CNTN5: variants seen among roughly 807,000 people sequenced by gnomAD.
The protein encoded by CNTN5 is contactin-5.
A neutral mutation model predicts 129.1 loss-of-function variants in CNTN5; 77 were observed. The observed-to-expected ratio is 0.60, with a 90% CI of 0.50 to 0.72. The LOEUF (loss-of-function observed/expected upper bound fraction) is 0.72, where lower values mean the gene tolerates loss of function less well. CNTN5 is among the 30% of genes least tolerant of loss of function. CNTN5 has a pLI of 0.00. For synonymous variants in CNTN5, 509 were observed against 465.6 expected, an observed-to-expected ratio of 1.09 and a Z score of -1.20; for missense variants, 1,478 against 1,328.8, an observed-to-expected ratio of 1.11 and a Z score of -1.75.
At chr11:99,470,615 G>A (rs1176778244) in intron 2 of CNTN5, among the ~76,000 whole-genome samples, 1 of 151,944 alleles carries the variant, frequency 6.6e-6, no homozygotes, top group Non-Finnish European at 1.5e-5. Context: ...TTGATGATAT[G>A]TACCTTATTT....
At chr11:99,372,261 C>T (rs960711355) in intron 2 of CNTN5, among the ~76,000 whole-genome samples, 2 of 152,068 alleles carry the variant, frequency 1.3e-5, no homozygotes, top group African/African-American at 4.8e-5. Context: ...CCATTTAAAA[C>T]GGTTCTGTTT....
chr11:99,087,432 G>A (rs1037611123), intron 1 of CNTN5, among the ~76,000 whole-genome samples: 4 of 152,154 alleles, frequency 2.6e-5, no homozygotes, highest in African/African-American at 9.7e-5. Flanking sequence ...TTATATACCA[G>A]ATACAATGTG....
intron 18 of CNTN5, among the ~76,000 whole-genome samples, chr11:100,273,765 A>G (rs1031166989): frequency 1.3e-5 from 2 of 152,222 alleles, no homozygotes; most frequent in African/African-American, 4.8e-5. Context: ...TCAAAAATAG[A>G]AAGATTCAAT....
intron 2 of CNTN5, among the ~76,000 whole-genome samples, chr11:99,551,985 G>A (rs762394741): frequency 6.0e-5 from 9 of 149,704 alleles, no homozygotes; most frequent in Non-Finnish European, 8.9e-5. Context: ...TTGGCTCACT[G>A]CAACCTCTGT....
chr11:99,556,821 G>C (rs1197220473), intron 3 of CNTN5, among the ~76,000 whole-genome samples: 1 of 150,634 alleles, frequency 6.6e-6, no homozygotes, highest in African/African-American at 2.4e-5. Flanking sequence ...CTCTGACTTT[G>C]TTGTAATTAA....
intron 3 of CNTN5, among the ~76,000 whole-genome samples, chr11:99,606,329 G>A (rs1350976756): frequency 7.6e-4 from 99 of 130,362 alleles, no homozygotes; most frequent in African/African-American, 2.7e-3. Flanking sequence ...CCAAATCATG[G>A]GTGAACTCCC....
At chr11:99,095,938 A>G (rs926816854) in intron 1 of CNTN5, among the ~76,000 whole-genome samples, 1 of 151,878 alleles carries the variant, frequency 6.6e-6, no homozygotes, top group East Asian at 1.9e-4. Flanking sequence ...TTTTTCATCT[A>G]TTCTGTTTAA....
chr11:99,955,102 C>A (rs1950766719), intron 7 of CNTN5, among the ~76,000 whole-genome samples: 1 of 151,248 alleles, frequency 6.6e-6, no homozygotes, highest in South Asian at 2.1e-4. Flanking sequence ...GCTAAGAAAA[C>A]CCTTATTTTA....
chr11:99,167,902 A>G (rs1480549486), intron 1 of CNTN5, among the ~76,000 whole-genome samples: 1 of 151,854 alleles, frequency 6.6e-6, no homozygotes, highest in Non-Finnish European at 1.5e-5. Flanking sequence ...ATTAGATCTG[A>G]CCCCAAAGCC....
chr11:99,798,896 G>A (rs1201203972), intron 3 of CNTN5, among the ~76,000 whole-genome samples: 1 of 152,138 alleles, frequency 6.6e-6, no homozygotes, highest in African/African-American at 2.4e-5. Flanking sequence ...CGATTAATGA[G>A]CATGGAATGT....
chr11:99,326,665 A>G (rs891350107), intron 2 of CNTN5, among the ~76,000 whole-genome samples: 29 of 152,274 alleles, frequency 1.9e-4, no homozygotes, highest in Middle Eastern at 3.4e-3. Context: ...CCAGTCTGTC[A>G]TTTTGATTGC....
Position 100,263,776 on chromosome 11 carries a change from T to C in CNTN5, c.2165-7316T>C, listed in dbSNP as rs185885984. Among the ~76,000 whole-genome samples, 251 of 152,306 alleles carry C rather than the reference T, an allele frequency of 1.6e-3. 4 individuals carry two copies. Among genetic ancestry groups the C allele is most frequent in the East Asian group, 7.7e-4 (4 of 5,184 alleles). ...AATCTTTGGCTCTGCAGCCAGGAGA[T>C]GACCTCACCTTCAGATCTGGTGTTG... On this transcript the variant is annotated intron_variant, in intron 17 of 24. Coordinates refer to ENST00000524871, the MANE Select transcript of CNTN5 (RefSeq NM_014361.4).
intron 18 of CNTN5, among the ~76,000 whole-genome samples, chr11:100,276,756 T>A (rs965524656): frequency 1.3e-5 from 2 of 152,076 alleles, no homozygotes; most frequent in Non-Finnish European, 1.5e-5. Flanking sequence ...TTAGTAATCA[T>A]ATCAGGATAA....
chr11:99,316,847 T>G (rs1339808124), intron 1 of CNTN5, among the ~76,000 whole-genome samples: 3 of 152,088 alleles, frequency 2.0e-5, no homozygotes, highest in Non-Finnish European at 4.4e-5. Context: ...CCGAGCCGTG[T>G]ATAAAGAAAT....
chr11:99,141,021 G>A (rs997253016), intron 1 of CNTN5, among the ~76,000 whole-genome samples: 1 of 152,028 alleles, frequency 6.6e-6, no homozygotes, highest in Admixed American at 6.6e-5. Flanking sequence ...GAATGAATTA[G>A]GGAGGAGTCC....
intron 1 of CNTN5, among the ~76,000 whole-genome samples, chr11:99,119,691 T>C (rs149547207): frequency 1.1e-3 from 164 of 152,260 alleles, no homozygotes; most frequent in African/African-American, 3.7e-3. Context: ...GTTCTGTTTT[T>C]AGATCTTTGA....
chr11:99,992,926 A>G (rs941694526), intron 8 of CNTN5, among the ~76,000 whole-genome samples: 4 of 152,200 alleles, frequency 2.6e-5, no homozygotes, highest in African/African-American at 9.6e-5. Context: ...GTCTGGGGAA[A>G]GAAACGGAGA....
chr11:99,329,719 G>C (rs1251592691), intron 2 of CNTN5, among the ~76,000 whole-genome samples: 2 of 152,176 alleles, frequency 1.3e-5, no homozygotes, highest in Non-Finnish European at 2.9e-5. Context: ...AAAGATTATA[G>C]GCTTTGAAAT....
At chr11:100,036,227 C>A (rs1489950702) in intron 9 of CNTN5, among the ~76,000 whole-genome samples, 1 of 152,092 alleles carries the variant, frequency 6.6e-6, no homozygotes, top group Non-Finnish European at 1.5e-5. Flanking sequence ...AATAGGGAAT[C>A]CTTTCCCCAT....
Sources: gnomAD v4.1 joint callset for allele counts (sites outside exome capture counted in the v4.1 genomes callset) on GRCh38, gnomAD v4.1.1 for gene constraint, MANE v1.5 for transcripts, NCBI Gene and HGNC (gene_info 2026-07-23, HGNC 2026-07-21) for gene names.